The following TPRG1 variants were observed in gnomAD, a reference collection of about 807,000 sequenced individuals.
TPRG1 encodes tumor protein p63 regulated 1.
In TPRG1, 29 loss-of-function variants were observed where a neutral mutation model predicts 29.3. The ratio of observed to expected loss-of-function variants is 0.99; its 90% CI spans 0.74 to 1.35. The LOEUF is 1.35. Among genes scored for constraint, TPRG1 ranks in the 40% most tolerant of loss-of-function variants. The pLI, the probability that TPRG1 is intolerant of heterozygous loss-of-function variation, is 0.00. For synonymous variants in TPRG1, 130 were observed against 116.8 expected (o/e 1.11, Z -0.73); for missense variants, 327 against 335.0 (o/e 0.98, Z 0.19).
At chr3:189,014,105 T>A (rs2152123256) in intron 3 of TPRG1, among the ~76,000 whole-genome samples, 1 of 152,322 alleles carries the variant, frequency 6.6e-6, no homozygotes, top group East Asian at 1.9e-4. Flanking sequence ...GTGTCACTAG[T>A]CTGTGTACTT....
At chr3:189,113,782 G>A (rs185719204) in intron 1 of TPRG1, among the ~76,000 whole-genome samples, 66 of 151,978 alleles carry the variant, frequency 4.3e-4, no homozygotes, top group Admixed American at 1.3e-3. Flanking sequence ...GTGGGGGGAC[G>A]GGGGACGGAT....
chr3:189,049,195 G>A (rs956938203), intron 4 of TPRG1, among the ~76,000 whole-genome samples: 4 of 152,186 alleles, frequency 2.6e-5, no homozygotes, highest in African/African-American at 4.8e-5. Context: ...GCACAGGCAC[G>A]GAAGAACTAA....
At chr3:189,097,845 G>A (rs1163384756), upstream of TPRG1, among the ~76,000 whole-genome samples, 1 of 152,172 alleles carries the variant, frequency 6.6e-6, no homozygotes, top group African/African-American at 2.4e-5. Context: ...AAGGATCTCA[G>A]AAACCGCTAG....
At chr3:189,240,239 T>C (rs975498374) in intron 4 of TPRG1, 1 of 152,162 alleles carries the variant, frequency 6.6e-6, no homozygotes, top group African/African-American at 2.4e-5. Context: ...TTTTCAATAA[T>C]AATATTACAC....
chr3:189,234,203 G>A (rs915091616), intron 3 of TPRG1, among the ~76,000 whole-genome samples: 2 of 152,116 alleles, frequency 1.3e-5, no homozygotes, highest in African/African-American at 4.8e-5. Flanking sequence ...AGGGAGGAAA[G>A]ATATTAGCCA....
intron 4 of TPRG1, among the ~76,000 whole-genome samples, chr3:189,298,307 A>T (rs1720284788): frequency 1.3e-5 from 2 of 152,214 alleles, no homozygotes; most frequent in Non-Finnish European, 2.9e-5. Context: ...AACTCAGAAA[A>T]TTATTTTCTT....
At chr3:189,190,066 C>A (rs1731474537) in intron 1 of TPRG1, among the ~76,000 whole-genome samples, 2 of 152,174 alleles carry the variant, frequency 1.3e-5, no homozygotes, top group African/African-American at 2.4e-5. Context: ...TCTCTTTAAG[C>A]ACTATACAAT....
At chr3:189,267,426 A>T (rs1714300567) in intron 4 of TPRG1, among the ~76,000 whole-genome samples, 1 of 152,226 alleles carries the variant, frequency 6.6e-6, no homozygotes, top group African/African-American at 2.4e-5. Context: ...ATAGAAAACT[A>T]ATTTTCATAT....
intron 4 of TPRG1, among the ~76,000 whole-genome samples, chr3:189,297,901 T>C (rs1720217744): frequency 6.6e-6 from 1 of 152,072 alleles, no homozygotes; most frequent in African/African-American, 2.4e-5. Flanking sequence ...CCTGCTATGC[T>C]AAGGGACAGA....
At chr3:189,106,536 A>T (rs1238804978) in intron 1 of TPRG1, among the ~76,000 whole-genome samples, 1 of 152,028 alleles carries the variant, frequency 6.6e-6, no homozygotes, top group African/African-American at 2.4e-5. Flanking sequence ...TTTCCATTAG[A>T]CTATTAATTT....
At chr3:189,135,362 C>T (rs1723619696) in intron 3 of TPRG1, among the ~76,000 whole-genome samples, 1 of 152,220 alleles carries the variant, frequency 6.6e-6, no homozygotes, top group Admixed American at 6.5e-5. Flanking sequence ...ACATGCTTCC[C>T]TCACTGTCAG....
rs59131158 is a variant in TPRG1 at position 189,038,794 on chromosome 3, CAAA to C, written c.-463+14862_-463+14864del. Among the ~76,000 whole-genome samples, 412 of 129,740 alleles carry C rather than the reference CAAA, an allele frequency of 3.2e-3. 2 individuals carry two copies. Among genetic ancestry groups the C allele is most frequent in the South Asian group, 0.01 (42 of 4,004 alleles). The allele number at this position is 129,740 out of a possible 152,430, so 85.1% of individuals were successfully genotyped here. A position where few individuals can be genotyped will look rare whatever the true frequency, so the allele number is the denominator to read the frequency against. ...TCAACAAAGAAAAGAGAGTAATTGG[CAAA>C]AAAAAAAAAAAAATGAATAGACAAT... is the stretch of plus-strand genomic sequence containing the variant. On this transcript the variant is annotated intron_variant, in intron 4 of 10. Coordinates refer to the TPRG1 transcript ENST00000433971.
At chr3:189,062,242 C>A (rs1716161552) in intron 4 of TPRG1, among the ~76,000 whole-genome samples, 1 of 151,974 alleles carries the variant, frequency 6.6e-6, no homozygotes, top group Non-Finnish European at 1.5e-5. Flanking sequence ...ATGACGAGGA[C>A]CTGTGAACAC....
intron 4 of TPRG1, among the ~76,000 whole-genome samples, chr3:189,258,978 C>T (rs548246907): frequency 3.3e-5 from 5 of 152,300 alleles, no homozygotes; most frequent in Admixed American, 2.6e-4. Context: ...CCACTTGGCT[C>T]CCTGGCTTCA....
intron 2 of TPRG1, among the ~76,000 whole-genome samples, chr3:189,130,730 C>A (rs555154914): frequency 6.6e-6 from 1 of 152,184 alleles, no homozygotes; most frequent in East Asian, 1.9e-4. Context: ...TGAAGAGTAC[C>A]AATGTCTGTT....
At chr3:189,238,289 C>T (rs148901903) in intron 3 of TPRG1, among the ~76,000 whole-genome samples, 18 of 152,270 alleles carry the variant, frequency 1.2e-4, no homozygotes, top group African/African-American at 2.4e-4. Context: ...GTGCAACCTT[C>T]GGAAATTAGT....
At chr3:189,267,673 A>G (rs1456388338) in intron 4 of TPRG1, 1 of 152,240 alleles carries the variant, frequency 6.6e-6, no homozygotes, top group African/African-American at 2.4e-5. Context: ...TGACTGGAAA[A>G]TAGAGACAGT....
chr3:189,104,301 G>T lies in TPRG1; in HGVS notation c.-744+4097G>T, dbSNP rs138347722. 2.6e-4 allele frequency among the ~76,000 whole-genome samples: 39 copies of T among 152,200 alleles called. No individual in the cohort carries two copies. The East Asian group carries it at 6.4e-3, about 25-fold the overall frequency. ...CTGACGATAGAGCACTAACCACAGT[G>T]CTTGACAGGCGTAGATATTCAGTAA... On this transcript the variant is annotated intron_variant, in intron 1 of 6. Coordinates refer to the TPRG1 transcript ENST00000412373.
exon 3 of TPRG1, chr3:189,004,615 C>G (rs954031753): frequency 6.6e-6 from 1 of 152,154 alleles, no homozygotes; most frequent in African/African-American, 2.4e-5. Context: ...CACCACAGAA[C>G]CCTGAATGAC....
Sources: gnomAD v4.1 joint callset for allele counts (sites outside exome capture counted in the v4.1 genomes callset) on GRCh38, gnomAD v4.1.1 for gene constraint, MANE v1.5 for transcripts, NCBI Gene and HGNC (gene_info 2026-07-23, HGNC 2026-07-21) for gene names.